The following DPP6 variants were observed in gnomAD, a reference collection of about 807,000 sequenced individuals.
DPP6 encodes dipeptidyl peptidase like 6, also known as A-type potassium channel modulatory protein DPP6.
In DPP6, 69 loss-of-function variants were observed where a neutral mutation model predicts 122.6. That is an observed-to-expected ratio of 0.56 (90% CI 0.46 to 0.69). The LOEUF (loss-of-function observed/expected upper bound fraction) is 0.69, where lower values mean the gene tolerates loss of function less well. Ranked by LOEUF, DPP6 falls within the 30% of genes least tolerant of loss-of-function variation. The probability of loss-of-function intolerance (pLI) is 0.00; values close to 1 mark genes in which losing one functional copy is unlikely to be tolerated. For missense variants in DPP6, 928 were observed against 1,116.9 expected (o/e 0.83, Z 2.41); for synonymous variants, 418 against 433.1 (o/e 0.97, Z 0.43).
intron 1 of DPP6, chr7:154,305,335 T>TTGGCCCCCC: frequency 9.8e-6 from 10 of 1,024,734 alleles, no homozygotes; most frequent in East Asian, 9.1e-5. Context: ...TCGTCTTGTC[T>TTGGCCCCCC]ACCCACCCTC....
In DPP6 at chr7:154,194,766, C is replaced by T. The variant is rs1033820335; in HGVS notation, c.243+141703C>T. Among the ~76,000 whole-genome samples the T allele has an allele frequency of 2.6e-5, 4 of 152,174 alleles. No homozygotes were observed. In the East Asian group the frequency reaches 7.7e-4, roughly 29 times the overall value. On this transcript the variant is annotated intron_variant, in intron 1 of 25. Transcript: ENST00000377770. Reference sequence around the variant, plus strand: ...TTTTTCGTGGACTTATTCGTCTCTCCTCTGTCTTCTTTGGTAAAATACCTG... The same window carrying T: ...TTTTTCGTGGACTTATTCGTCTCTCTTCTGTCTTCTTTGGTAAAATACCTG...
At chr7:153,943,865 C>CT (rs1801812750) in intron 1 of DPP6, among the ~76,000 whole-genome samples, 1 of 152,110 alleles carries the variant, frequency 6.6e-6, no homozygotes, top group Non-Finnish European at 1.5e-5. Context: ...GAGTGATGCT[C>CT]TGCTACATTC....
At chr7:153,802,030 T>C in the DPP6 span, among the ~76,000 whole-genome samples, 1 of 152,170 alleles carries the variant, frequency 6.6e-6, no homozygotes, top group African/African-American at 2.4e-5. Context: ...AAAGTGTAAG[T>C]GACTTGCCTG....
At chr7:154,299,394 G>T (rs1805754069) in intron 1 of DPP6, among the ~76,000 whole-genome samples, 1 of 152,216 alleles carries the variant, frequency 6.6e-6, no homozygotes, top group East Asian at 1.9e-4. Context: ...AAATGTCTGA[G>T]GTGACAGTGA....
intron 1 of DPP6, among the ~76,000 whole-genome samples, chr7:153,944,210 C>T (rs543255923): frequency 2.0e-5 from 3 of 152,342 alleles, no homozygotes; most frequent in African/African-American, 2.4e-5. Flanking sequence ...ATTTGGCAAC[C>T]AGTGTGTGCT....
At chr7:154,016,420 A>G (rs767411070) in intron 1 of DPP6, among the ~76,000 whole-genome samples, 2 of 151,656 alleles carry the variant, frequency 1.3e-5, no homozygotes, top group Non-Finnish European at 2.9e-5. Context: ...TTTTCAGAGA[A>G]GCCAAGTAAC....
intron 7 of DPP6, among the ~76,000 whole-genome samples, chr7:154,720,546 C>T (rs1306849527): frequency 6.6e-6 from 1 of 152,164 alleles, no homozygotes; most frequent in Non-Finnish European, 1.5e-5. Context: ...GCACATGCCC[C>T]GCTCCAGCAT....
chr7:154,375,525 G>A (rs1246598380), intron 1 of DPP6, among the ~76,000 whole-genome samples: 2 of 152,156 alleles, frequency 1.3e-5, no homozygotes, highest in Non-Finnish European at 2.9e-5. Context: ...ATTAGGGTGA[G>A]ATGAGGTCAT....
At position 154,234,255 on chromosome 7, in the gene DPP6, T is replaced by A. The variant is rs1801074814; in HGVS notation, c.243+181192T>A. Among the ~76,000 whole-genome samples the A allele has an allele frequency of 4.6e-5, 7 of 152,122 alleles. No homozygotes were observed. In the South Asian group the frequency reaches 1.4e-3, roughly 31 times the overall value. ...GTAGCTTTGGTGCTTTGCCCACTGG[T>A]TGTATAAGAGAATCCTGGGAAACAG... is the stretch of plus-strand genomic sequence containing the variant. On this transcript the variant is annotated intron_variant, in intron 1 of 25. Coordinates refer to ENST00000377770, the MANE Select transcript of DPP6 (RefSeq NM_130797.4).
intron 6 of DPP6, among the ~76,000 whole-genome samples, chr7:154,661,010 A>G (rs139784969): frequency 0.19 from 3,963 of 21,222 alleles, 484 homozygotes; most frequent in Non-Finnish European, 0.25. Context: ...TCACCATGGC[A>G]TATTGGCGCT....
intron 4 of DPP6, among the ~76,000 whole-genome samples, chr7:154,563,065 A>T (rs774465544): frequency 6.6e-5 from 10 of 152,220 alleles, no homozygotes; most frequent in Non-Finnish European, 1.2e-4. Flanking sequence ...AATCAGAGAA[A>T]GGGGTATAAA....
chr7:153,845,597 A>G, the DPP6 span, among the ~76,000 whole-genome samples: 1 of 152,036 alleles, frequency 6.6e-6, no homozygotes, highest in Non-Finnish European at 1.5e-5. Flanking sequence ...AATTACTGAT[A>G]CACTGGAATT....
chr7:154,806,769 G>A (rs920082028), intron 15 of DPP6, among the ~76,000 whole-genome samples: 2 of 152,198 alleles, frequency 1.3e-5, no homozygotes, highest in Non-Finnish European at 2.9e-5. Context: ...AAGCAAGGAT[G>A]CTGAAAGCTC....
intron 16 of DPP6, among the ~76,000 whole-genome samples, chr7:154,828,319 T>A: frequency 6.8e-6 from 1 of 147,626 alleles, no homozygotes; most frequent in South Asian, 2.1e-4. Flanking sequence ...CTGTAAAATC[T>A]TTTTTTTTTA....
At chr7:153,790,630 A>G in the DPP6 span, among the ~76,000 whole-genome samples, 1 of 152,208 alleles carries the variant, frequency 6.6e-6, no homozygotes, top group South Asian at 2.1e-4. Flanking sequence ...TGATACTGAC[A>G]TTAGTCCTTC....
the DPP6 span, among the ~76,000 whole-genome samples, chr7:153,772,852 C>G: frequency 6.8e-6 from 1 of 146,740 alleles, no homozygotes; most frequent in Admixed American, 6.8e-5. Flanking sequence ...ACTTTTGCCT[C>G]TGATAATTTT....
chr7:154,086,688 G>A (rs1382298820), intron 1 of DPP6, among the ~76,000 whole-genome samples: 4 of 148,946 alleles, frequency 2.7e-5, no homozygotes, highest in African/African-American at 7.4e-5. Context: ...GCACAATCTC[G>A]GCTCACTGCA....
At chr7:154,431,509 T>A (rs1818408902) in intron 1 of DPP6, among the ~76,000 whole-genome samples, 1 of 123,318 alleles carries the variant, frequency 8.1e-6, no homozygotes, top group Non-Finnish European at 1.6e-5. Flanking sequence ...TTCTTTTCTT[T>A]CTTTTATTAT....
the DPP6 span, among the ~76,000 whole-genome samples, chr7:153,825,321 C>T: frequency 6.6e-6 from 1 of 152,062 alleles, no homozygotes; most frequent in African/African-American, 2.4e-5. Context: ...AAGGCTCTAC[C>T]GTAGATAGAC....
Sources: allele counts gnomAD v4.1 joint callset (sites outside exome capture counted in the v4.1 genomes callset), GRCh38; gene constraint gnomAD v4.1.1; transcripts MANE v1.5; gene names NCBI Gene and HGNC (gene_info 2026-07-23, HGNC 2026-07-21).